Variants in RSU1 observed in about 807,000 individuals in gnomAD.
The protein encoded by RSU1 is Ras suppressor protein 1, also known as rsu-1.
A neutral mutation model predicts 31.1 loss-of-function variants in RSU1; 26 were observed. That is an observed-to-expected ratio of 0.84 (90% CI 0.61 to 1.16). The LOEUF (loss-of-function observed/expected upper bound fraction) is 1.16. Among genes scored for constraint, RSU1 ranks in the 50% most tolerant of loss-of-function variants. The pLI is 0.00. For missense variants in RSU1, 320 were observed against 339.1 expected (o/e 0.94, Z 0.44); for synonymous variants, 164 against 136.3 (o/e 1.20, Z -1.41).
intron 7 of RSU1, among the ~76,000 whole-genome samples, chr10:16,729,726 T>A (rs1384146907): frequency 6.6e-6 from 1 of 152,206 alleles, no homozygotes; most frequent in Non-Finnish European, 1.5e-5. Context: ...TCACTGTTTA[T>A]GTCAAAGATT....
intron 7 of RSU1, among the ~76,000 whole-genome samples, chr10:16,733,662 C>T (rs967739043): frequency 4.1e-4 from 62 of 152,074 alleles, no homozygotes; most frequent in African/African-American, 1.4e-3. Context: ...GGCTATAACA[C>T]GGACCCAAAA....
chr10:16,785,347 C>G (rs998143603), intron 2 of RSU1, among the ~76,000 whole-genome samples: 7 of 151,158 alleles, frequency 4.6e-5, no homozygotes, highest in Non-Finnish European at 8.8e-5. Context: ...TATTGCAGGA[C>G]CTTGTGGTAG....
chr10:16,764,434 G>A lies in RSU1; in HGVS notation c.237C>T (p.Pro79=). 8 of 1,613,972 alleles carry A rather than the reference G, an allele frequency of 5.0e-6. No individual in the cohort carries two copies. The South Asian group carries it at 6.6e-5, about 13-fold the overall frequency. The change falls in exon 4 of 9, where the codon CCC becomes CCT. Residue 79 remains proline (P), a synonymous_variant. Transcript: ENST00000345264. ...GTTTCTGAAGGCTACTGATCTGTGT[G>A]GGCAGCTCCTCGATTTGGTTATTAA... ...NFFNNQIEEL[P]TQISSLQKLK... is the part of the protein sequence containing the mutation.
intron 3 of RSU1, among the ~76,000 whole-genome samples, chr10:16,781,433 G>C (rs1279159068): frequency 6.6e-6 from 1 of 152,134 alleles, no homozygotes; most frequent in Non-Finnish European, 1.5e-5. Context: ...ATACAATTTT[G>C]CATCTTTTCC....
chr10:16,749,752 T>C (rs1836935463), intron 7 of RSU1, among the ~76,000 whole-genome samples: 1 of 152,212 alleles, frequency 6.6e-6, no homozygotes, highest in Non-Finnish European at 1.5e-5. Context: ...TTTTGCAAAG[T>C]GTTATGCTAG....
At chr10:16,730,294 A>G (rs913709099) in intron 7 of RSU1, among the ~76,000 whole-genome samples, 1 of 152,158 alleles carries the variant, frequency 6.6e-6, no homozygotes, top group Non-Finnish European at 1.5e-5. Context: ...TCAAATTTCA[A>G]CATCAGATTT....
At chr10:16,801,703 T>A (rs576326451) in intron 2 of RSU1, among the ~76,000 whole-genome samples, 1 of 142,832 alleles carries the variant, frequency 7.0e-6, no homozygotes, top group East Asian at 2.0e-4. Context: ...TCAGTCCACA[T>A]TGGAATTAAA....
At chr10:16,705,028 A>C (rs1429638690) in intron 7 of RSU1, among the ~76,000 whole-genome samples, 1 of 151,836 alleles carries the variant, frequency 6.6e-6, no homozygotes, top group African/African-American at 2.4e-5. Flanking sequence ...ATAACTCCCC[A>C]TTTCTCCTTT....
chr10:16,815,685 G>C (rs1838513729), intron 2 of RSU1, among the ~76,000 whole-genome samples: 1 of 152,052 alleles, frequency 6.6e-6, no homozygotes, highest in Non-Finnish European at 1.5e-5. Flanking sequence ...GATTAAAAAA[G>C]AAAAAAATCA....
At chr10:16,732,912 T>A (rs900902160) in intron 7 of RSU1, among the ~76,000 whole-genome samples, 5 of 152,130 alleles carry the variant, frequency 3.3e-5, no homozygotes, top group African/African-American at 1.2e-4. Flanking sequence ...TTGGTTAACT[T>A]CCAAGGTTGG....
At chr10:16,653,053 GA>G (rs1332674009) in intron 8 of RSU1, among the ~76,000 whole-genome samples, 1 of 151,870 alleles carries the variant, frequency 6.6e-6, no homozygotes, top group Admixed American at 6.6e-5. Flanking sequence ...AAAATCTAGG[GA>G]AAAAAATACA....
chr10:16,709,795 T>C (rs1835980965), intron 7 of RSU1, among the ~76,000 whole-genome samples: 1 of 152,218 alleles, frequency 6.6e-6, no homozygotes, highest in South Asian at 2.1e-4. Context: ...AAATGTCTTC[T>C]TTTGAGAAGT....
intron 7 of RSU1, among the ~76,000 whole-genome samples, chr10:16,706,807 C>A (rs1377826226): frequency 6.6e-6 from 1 of 152,130 alleles, no homozygotes; most frequent in East Asian, 1.9e-4. Context: ...TACTGTGTAA[C>A]AGAACATCAA....
chr10:16,722,636 G>A (rs1172538849), intron 7 of RSU1, among the ~76,000 whole-genome samples: 1 of 152,066 alleles, frequency 6.6e-6, no homozygotes, highest in African/African-American at 2.4e-5. Context: ...TTAAAGTTAA[G>A]GATATTATGG....
intron 7 of RSU1, among the ~76,000 whole-genome samples, chr10:16,711,032 T>C (rs568798377): frequency 2.0e-5 from 3 of 152,338 alleles, no homozygotes; most frequent in African/African-American, 7.2e-5. Flanking sequence ...TTCCACATGG[T>C]GTATATGTGC....
chr10:16,672,963 T>A (rs1175959726), intron 8 of RSU1, among the ~76,000 whole-genome samples: 3 of 152,198 alleles, frequency 2.0e-5, no homozygotes, highest in Admixed American at 2.0e-4. Context: ...AAGGTAAGGG[T>A]AGGGCTTGAA....
At position 16,728,724 on chromosome 10, in the gene RSU1, T is replaced by C. The variant is rs555279308; in HGVS notation, c.598+23815A>G. Among the ~76,000 whole-genome samples the C allele has an allele frequency of 6.8e-4, 104 of 152,154 alleles. 1 individual carries two copies. Among genetic ancestry groups the C allele is most frequent in the Admixed American group, 2.0e-3 (31 of 15,278 alleles). On this transcript the variant is annotated intron_variant, in intron 7 of 8. Coordinates refer to ENST00000345264, the MANE Select transcript of RSU1 (RefSeq NM_012425.4). Reference sequence around the variant, plus strand: ...CTGGGTGGGCCTGATATAATTGCAGTGGTGCTTATAAGAGGGATGGGAGAA... The same window carrying C: ...CTGGGTGGGCCTGATATAATTGCAGCGGTGCTTATAAGAGGGATGGGAGAA...
intron 7 of RSU1, among the ~76,000 whole-genome samples, chr10:16,732,556 C>G (rs1025438798): frequency 1.3e-5 from 2 of 152,154 alleles, no homozygotes; most frequent in African/African-American, 4.8e-5. Flanking sequence ...CTCAGATTTC[C>G]CAGCCCAAAG....
At chr10:16,643,626 C>G (rs1260638212) in intron 8 of RSU1, among the ~76,000 whole-genome samples, 2 of 152,106 alleles carry the variant, frequency 1.3e-5, no homozygotes, top group South Asian at 2.1e-4. Context: ...ATAGAGTTAC[C>G]TATCTGCCTT....
Sources: allele counts gnomAD v4.1 joint callset (sites outside exome capture counted in the v4.1 genomes callset), GRCh38; gene constraint gnomAD v4.1.1; transcripts MANE v1.5; gene names NCBI Gene and HGNC (gene_info 2026-07-23, HGNC 2026-07-21).